The following AGFG2 variants were observed in gnomAD, a reference collection of about 807,000 sequenced individuals.
AGFG2 encodes the protein ArfGAP with FG repeats 2.
In AGFG2, 31 loss-of-function variants were observed where a neutral mutation model predicts 48.0. The observed-to-expected ratio is 0.65, with a 90% CI of 0.49 to 0.87. The LOEUF (loss-of-function observed/expected upper bound fraction) is 0.87. Ranked by LOEUF, AGFG2 falls within the 40% of genes least tolerant of loss-of-function variation. The probability of loss-of-function intolerance (pLI) is 0.00; values close to 1 mark genes in which losing one functional copy is unlikely to be tolerated. For missense variants in AGFG2, 599 were observed against 632.6 expected (o/e 0.95, Z 0.57); for synonymous variants, 229 against 260.8 (o/e 0.88, Z 1.18).
intron 3 of AGFG2, among the ~76,000 whole-genome samples, chr7:100,551,066 ATTTCT>A (rs1239702534): frequency 0.033 from 2,315 of 69,626 alleles, 79 homozygotes; most frequent in Non-Finnish European, 0.048. Flanking sequence ...ATATATATAT[ATTTCT>A]TTTTTTTTTT....
At chr7:100,564,448 C>A in intron 11 of AGFG2, 145 bp downstream of exon 11, 2 of 803,624 alleles carry the variant, frequency 2.5e-6, no homozygotes, top group Non-Finnish European at 4.0e-6. Flanking sequence ...GAGCTTGGGC[C>A]TCAGCTCTTC....
chr7:100,547,991 T>C (rs944814970), intron 1 of AGFG2, among the ~76,000 whole-genome samples: 1 of 152,212 alleles, frequency 6.6e-6, no homozygotes, highest in South Asian at 2.1e-4. Flanking sequence ...GTTAGTGTTA[T>C]CAAGAATAGT....
At position 100,550,507 on chromosome 7, in the gene AGFG2, A is replaced by T. The variant is rs770552533; in HGVS notation, c.427A>T (p.Arg143Ter). 6.2e-7 allele frequency: 1 copy of T among 1,608,350 alleles called. No individual in the cohort carries two copies. The change falls in exon 3 of 12, where the codon AGA becomes TGA. Residue 143 changes from arginine to a stop codon, truncating the protein, a stop_gained. Transcript: ENST00000300176. LOFTEE classifies it high-confidence loss of function. ...TCTCCAGGAAAAATATGAGAAGAAGAGATGGTAAGGAGTAGGAAAGAGGTT... is the reference window on the plus strand; with the variant it reads ...TCTCCAGGAAAAATATGAGAAGAAGTGATGGTAAGGAGTAGGAAAGAGGTT... ...EFLQEKYEKKRWYVPPDQVKG... is the reference protein window; with the variant it reads ...EFLQEKYEKK
chr7:100,550,524 A>G lies in AGFG2; in HGVS notation c.431+13A>G. On this transcript the variant is annotated intron_variant, in intron 3 of 11. Coordinates refer to ENST00000300176, the MANE Select transcript of AGFG2 (RefSeq NM_006076.5). Reference sequence around the variant, plus strand: ...AGAAGAAGAGATGGTAAGGAGTAGGAAAGAGGTTGCTATGGAAACGTGTTC... The same window carrying G: ...AGAAGAAGAGATGGTAAGGAGTAGGGAAGAGGTTGCTATGGAAACGTGTTC... 6.3e-7 allele frequency: 1 copy of G among 1,585,714 alleles called. No individual in the cohort carries two copies.
At position 100,553,434 on chromosome 7, in the gene AGFG2, G is replaced by C. The variant is rs1205643292; in HGVS notation, c.519G>C (p.Lys173Asn). 6.2e-7 allele frequency: 1 copy of C among 1,614,062 alleles called. No homozygotes were observed. Among genetic ancestry groups the C allele is most frequent in the African/African-American group, 1.3e-5 (1 of 74,934 alleles). ...TPVQGSIPEG[K>N]PLRTLLGDPA... The stretch of plus-strand genomic sequence containing the variant: ...TGCAGGGCTCCATCCCAGAAGGGAA[G>C]CCCCTTCGGACACTTCTGGGTGATC... The change falls in exon 4 of 12, where the codon AAG (lysine) becomes AAC (asparagine). Residue 173 changes from lysine (K) to asparagine (N), a missense_variant. By Grantham distance (94) the Lys-to-Asn change is moderately conservative. Coordinates refer to ENST00000300176, the MANE Select transcript of AGFG2 (RefSeq NM_006076.5).
intron 4 of AGFG2, 45 bp downstream of exon 4, chr7:100,553,545 G>A: frequency 6.4e-7 from 1 of 1,564,952 alleles, no homozygotes; most frequent in Non-Finnish European, 8.7e-7. Context: ...AGATTTGGGA[G>A]ACAGGAGTGT....
chr7:100,564,950 C>G lies in AGFG2; in HGVS notation c.1405C>G (p.Pro469Ala), dbSNP rs1800971670. The G allele has an allele frequency of 6.2e-7, 1 of 1,614,042 alleles. No homozygotes were observed. The highest frequency in any genetic ancestry group is 1.3e-5 in the African/African-American group (1 of 74,908). ...TTTCCAGACTGGACCCTCATCAAGC[C>G]CATTCGCCTCCAAACCTCCAACCAC... ...NPFMTGPSSS[P>A]FASKPPTTNP... Residue 469 changes from proline to alanine, a missense_variant, in exon 12 of 12, where the codon CCA (proline) becomes GCA (alanine). Physicochemically the swap from Pro to Ala is conservative, Grantham distance 27. Coordinates refer to ENST00000300176, the MANE Select transcript of AGFG2 (RefSeq NM_006076.5).
rs375233200 is a variant in AGFG2 at position 100,555,616 on chromosome 7, C to T, written c.758C>T (p.Thr253Ile). The T allele has an allele frequency of 3.8e-5, 62 of 1,613,524 alleles. No homozygotes were observed. Among genetic ancestry groups the T allele is most frequent in the Middle Eastern group, 1.6e-4 (1 of 6,082 alleles). Residue 253 changes from threonine to isoleucine, a missense_variant, in exon 6 of 12, where the codon ACA (threonine) becomes ATA (isoleucine). Transcript: ENST00000300176. ...FAAFPAFGGQTPSQGGFANFD... is the reference protein window; with the variant it reads ...FAAFPAFGGQIPSQGGFANFD... ...ATGTTTCTTCCACCTACAGGCCAGA[C>T]ACCTTCCCAAGGAGGCTTTGCCAAC... is the stretch of plus-strand genomic sequence containing the variant.
chr7:100,547,343 G>A (rs1278975603), intron 1 of AGFG2, among the ~76,000 whole-genome samples: 1 of 151,418 alleles, frequency 6.6e-6, no homozygotes. Flanking sequence ...CCCCCTTTGC[G>A]CTTCCTGAGG....
chr7:100,541,970 A>C (rs1584378550), intron 1 of AGFG2, among the ~76,000 whole-genome samples: 1 of 152,116 alleles, frequency 6.6e-6, no homozygotes, highest in Non-Finnish European at 1.5e-5. Context: ...CCCCTCAATC[A>C]GGACACAAAG....
chr7:100,555,765 C>T (rs370717204), intron 6 of AGFG2, 30 bp downstream of exon 6: 9 of 1,611,450 alleles, frequency 5.6e-6, no homozygotes, highest in African/African-American at 2.7e-5. Context: ...CTTCCTTTCT[C>T]TTCCAACCGT....
intron 3 of AGFG2, 59 bp from the exon 4 acceptor site, chr7:100,553,288 G>C: frequency 6.3e-7 from 1 of 1,592,990 alleles, no homozygotes; most frequent in Non-Finnish European, 8.6e-7. Context: ...AAACATCTCA[G>C]CTGAGCGTGG....
chr7:100,567,975 T>C lies in AGFG2; in HGVS notation c.*2984T>C, dbSNP rs1801051717. ...CTCAGTGGGTCCAATCACCTGGCAT[T>C]GATCACCTGGCATTGATCAGCACCC... On this transcript the variant is annotated 3_prime_UTR_variant, in exon 12 of 12. Transcript: ENST00000300176. 1 of 152,528 alleles carries C rather than the reference T, an allele frequency of 6.6e-6. No homozygotes were observed. The highest frequency in any genetic ancestry group is 1.5e-5 in the Non-Finnish European group (1 of 68,040). The allele number at this position is 152,528 out of a possible 1,614,324, so 9.4% of individuals were successfully genotyped here. A position where few individuals can be genotyped will look rare whatever the true frequency, so the allele number is the denominator to read the frequency against.
intron 3 of AGFG2, among the ~76,000 whole-genome samples, chr7:100,552,876 G>T (rs941266539): frequency 6.6e-6 from 1 of 152,194 alleles, no homozygotes; most frequent in Non-Finnish European, 1.5e-5. Context: ...TTTGCCAGGT[G>T]TGGTGGCTCA....
intron 3 of AGFG2, among the ~76,000 whole-genome samples, chr7:100,552,199 C>T (rs1800661659): frequency 6.6e-6 from 1 of 151,834 alleles, no homozygotes; most frequent in African/African-American, 2.4e-5. Flanking sequence ...CAGCTGAGAT[C>T]GTGCCACTGT....
rs1456367409 is a variant in AGFG2 at position 100,564,928 on chromosome 7, C to G, written c.1387-4C>G. 1 of 1,613,998 alleles carries G rather than the reference C, an allele frequency of 6.2e-7. No homozygotes were observed. Among genetic ancestry groups the G allele is most frequent in the South Asian group, 1.1e-5 (1 of 91,084 alleles). The stretch of plus-strand genomic sequence containing the variant: ...CTGGAAAATGTATTGTTCTTTCTTT[C>G]CAGACTGGACCCTCATCAAGCCCAT... On this transcript the variant is annotated splice_region_variant and splice_polypyrimidine_tract_variant and intron_variant, in intron 11 of 11. Transcript: ENST00000300176.
chr7:100,548,691 TG>T, intron 1 of AGFG2, 130 bp from the exon 2 acceptor site: 7 of 632,546 alleles, frequency 1.1e-5, no homozygotes, highest in Non-Finnish European at 1.1e-5. Flanking sequence ...TAGCTTCAGA[TG>T]GGGGGGTTCT....
chr7:100,560,607 G>T (rs1375937069), intron 6 of AGFG2, among the ~76,000 whole-genome samples: 1 of 152,132 alleles, frequency 6.6e-6, no homozygotes, highest in Non-Finnish European at 1.5e-5. Context: ...CATCTAGAAA[G>T]CCCAGGCATT....
chr7:100,540,207 A>C (rs925666459), intron 1 of AGFG2, among the ~76,000 whole-genome samples: 1 of 152,106 alleles, frequency 6.6e-6, no homozygotes, highest in Non-Finnish European at 1.5e-5. Flanking sequence ...TCAGGTGTAG[A>C]TACTAATCTT....
Sources: allele counts gnomAD v4.1 joint callset (sites outside exome capture counted in the v4.1 genomes callset), GRCh38; gene constraint gnomAD v4.1.1; transcripts MANE v1.5; gene names NCBI Gene and HGNC (gene_info 2026-07-23, HGNC 2026-07-21).